Variants in DLG5 observed in about 807,000 individuals in gnomAD.
DLG5 encodes the protein discs large MAGUK scaffold protein 5, also known as disks large homolog 5.
Under a neutral mutation model 189.8 loss-of-function variants are expected in DLG5, and 48 were observed. The observed-to-expected ratio is 0.25, with a 90% CI of 0.20 to 0.32. The LOEUF (loss-of-function observed/expected upper bound fraction) is 0.32, where lower values mean the gene tolerates loss of function less well. Among genes scored for constraint, DLG5 ranks in the 10% least tolerant of loss-of-function variants. The pLI is 1.00. For synonymous variants in DLG5, 1,016 were observed against 1,054.1 expected (o/e 0.96, Z 0.70); for missense variants, 2,160 against 2,544.7 (o/e 0.85, Z 3.25).
chr10:77,893,054 T>C (rs768353969), intron 1 of DLG5, among the ~76,000 whole-genome samples: 1 of 152,238 alleles, frequency 6.6e-6, no homozygotes, highest in Non-Finnish European at 1.5e-5. Context: ...GCCTCTGGCA[T>C]TGGCATTGGC....
At chr10:77,835,497 G>C (rs973182088) in intron 8 of DLG5, among the ~76,000 whole-genome samples, 1 of 152,190 alleles carries the variant, frequency 6.6e-6, no homozygotes, top group Admixed American at 6.5e-5. Context: ...GCGGTCTCAC[G>C]TGGACATAGT....
At chr10:77,819,223 G>T in intron 17 of DLG5, 98 bp downstream of exon 17, 3 of 1,569,956 alleles carry the variant, frequency 1.9e-6, no homozygotes, top group Non-Finnish European at 1.7e-6. Context: ...AGGCAAGGAA[G>T]CTTCTCCACC....
chr10:77,796,120 G>T lies in DLG5; in HGVS notation c.5377C>A (p.Arg1793=). 2.5e-6 allele frequency: 4 copies of T among 1,614,166 alleles called. No homozygotes were observed. The highest frequency in any genetic ancestry group is 1.1e-5 in the South Asian group (1 of 91,078). ...GTCACATCGAAATGGCCGCTTCTCCGCTTATAGTCGACAAACAGGCAATCT... is the reference window on the plus strand; with the variant it reads ...GTCACATCGAAATGGCCGCTTCTCCTCTTATAGTCGACAAACAGGCAATCT... The part of the protein sequence containing the change: ...VKDCLFVDYK[R]RSGHFDVTTV... Residue 1793 remains arginine, a synonymous_variant, in exon 29 of 32, where the codon CGG becomes AGG. Transcript: ENST00000372391. This position sits in a 1 kb window ranked among gnomAD's most constrained non-coding sequence, Gnocchi z 5.2.
In DLG5 at chr10:77,796,585, C is replaced by A; in HGVS notation, c.5174G>T (p.Ser1725Ile). 6.2e-7 allele frequency: 1 copy of A among 1,613,932 alleles called. No homozygotes were observed. The highest frequency in any genetic ancestry group is 8.5e-7 in the Non-Finnish European group (1 of 1,179,956). Reference protein sequence around the residue: ...DSIPLFEDSVSLAYQRVQKVD... With the variant: ...DSIPLFEDSVILAYQRVQKVD... Reference sequence around the variant, plus strand: ...CTTCTGGACCCGCTGATAGGCCAGGCTCACCGAATCTGAGGGAGAGAGAGC... The same window carrying A: ...CTTCTGGACCCGCTGATAGGCCAGGATCACCGAATCTGAGGGAGAGAGAGC... Residue 1725 changes from serine to isoleucine, a missense_variant, in exon 28 of 32, where the codon AGC becomes ATC. By Grantham distance (142) the Ser-to-Ile change is moderately radical (BLOSUM62 -2). This residue lies in a region of DLG5 where 574 missense variants were observed against 644.2 expected (regional missense o/e 0.89). Transcript: ENST00000372391. The surrounding 1 kb of genome is among the most constrained non-coding windows in gnomAD (Gnocchi z 5.2).
At chr10:77,869,287 T>C (rs1366327495) in intron 1 of DLG5, 90 bp from the exon 2 acceptor site, 19 of 1,242,132 alleles carry the variant, frequency 1.5e-5, no homozygotes, top group Non-Finnish European at 2.1e-5. Context: ...TGCCAGGCCA[T>C]GAGAGCTACA....
At chr10:77,936,588 T>G in the DLG5 span, among the ~76,000 whole-genome samples, 1 of 151,860 alleles carries the variant, frequency 6.6e-6, no homozygotes, top group Admixed American at 6.6e-5. Flanking sequence ...TAGAAAGGAC[T>G]AATGAATTAT....
intron 15 of DLG5, 179 bp from the exon 16 acceptor site, chr10:77,820,197 T>C: frequency 1.3e-6 from 1 of 777,968 alleles, no homozygotes; most frequent in South Asian, 1.9e-5. Context: ...AATACAAAAA[T>C]TAGCTGGGCA....
At chr10:77,886,290 G>A (rs1845436201) in intron 1 of DLG5, among the ~76,000 whole-genome samples, 1 of 151,956 alleles carries the variant, frequency 6.6e-6, no homozygotes, top group East Asian at 1.9e-4. Flanking sequence ...TGCCCTCTGA[G>A]CTTCCTGAAC....
At chr10:77,830,660 A>G in intron 10 of DLG5, 81 bp downstream of exon 10, 1 of 1,561,886 alleles carries the variant, frequency 6.4e-7, no homozygotes, top group East Asian at 2.3e-5. Context: ...GAGTGGTGAA[A>G]CTGGGAGATA....
intron 1 of DLG5, among the ~76,000 whole-genome samples, chr10:77,902,657 G>T (rs1007136464): frequency 1.3e-5 from 2 of 151,836 alleles, no homozygotes; most frequent in African/African-American, 4.8e-5. Flanking sequence ...TCAGGAGATC[G>T]AGACCATCCT....
intron 1 of DLG5, among the ~76,000 whole-genome samples, chr10:77,896,079 G>A (rs1337637564): frequency 6.6e-6 from 1 of 151,452 alleles, no homozygotes; most frequent in Admixed American, 6.6e-5. Context: ...AGAATTGCTT[G>A]AACCCAAGAG....
intron 1 of DLG5, among the ~76,000 whole-genome samples, chr10:77,905,119 G>C (rs989403415): frequency 6.9e-6 from 1 of 145,642 alleles, no homozygotes; most frequent in African/African-American, 2.5e-5. Context: ...ACAAGAGCGA[G>C]ACTTCATCTC....
chr10:77,841,542 TAA>T (rs1234265178), intron 7 of DLG5, among the ~76,000 whole-genome samples: 1 of 152,222 alleles, frequency 6.6e-6, no homozygotes, highest in African/African-American at 2.4e-5. Context: ...TCTTGCTTCA[TAA>T]TAAGCAAGTC....
the DLG5 span, among the ~76,000 whole-genome samples, chr10:77,935,167 C>T: frequency 2.6e-5 from 4 of 152,050 alleles, no homozygotes; most frequent in African/African-American, 4.8e-5. Context: ...TAAATGGGTG[C>T]TGTTCTAAGG....
At position 77,829,097 on chromosome 10, in the gene DLG5, C is replaced by T. The variant is rs907080508; in HGVS notation, c.2186-112G>A. 35 of 1,246,416 alleles carry T rather than the reference C, an allele frequency of 2.8e-5. No individual in the cohort carries two copies. The South Asian group carries it at 3.8e-4, about 14-fold the overall frequency. 77.2% of individuals were successfully genotyped at this position (1,246,416 alleles called of 1,614,324 possible). On this transcript the variant is annotated intron_variant, in intron 12 of 31. Coordinates refer to ENST00000372391, the MANE Select transcript of DLG5 (RefSeq NM_004747.4). ...TACAAAAGAGGATGTCAGCAGGCTG[C>T]GCCCTGTCTACGCCTGCACCCTGCC...
At chr10:77,908,799 G>A (rs1389482422) in intron 1 of DLG5, among the ~76,000 whole-genome samples, 1 of 152,010 alleles carries the variant, frequency 6.6e-6, no homozygotes, top group Non-Finnish European at 1.5e-5. Flanking sequence ...GGGGGTGGGG[G>A]GAGAGAAGCC....
intron 26 of DLG5, chr10:77,806,145 A>T (rs921651464): frequency 7.2e-6 from 3 of 416,954 alleles, no homozygotes; most frequent in Non-Finnish European, 1.3e-5. Flanking sequence ...GACAGCCTTC[A>T]ATTGGTGACA....
In DLG5 at chr10:77,805,875, G is replaced by T. The variant is rs1228077441; in HGVS notation, c.4968-14C>A. ...TCTTGGTCCATCCTGTGGCACAGGGGACAATGCTGGGCAGGGCCATCGAGA... is the reference window on the plus strand; with the variant it reads ...TCTTGGTCCATCCTGTGGCACAGGGTACAATGCTGGGCAGGGCCATCGAGA... On this transcript the variant is annotated splice_polypyrimidine_tract_variant and intron_variant, in intron 26 of 31. Transcript: ENST00000372391. 13 of 1,606,650 alleles carry T rather than the reference G, an allele frequency of 8.1e-6. No homozygotes were observed. In the Admixed American group the frequency reaches 2.2e-4, roughly 27 times the overall value.
intron 27 of DLG5, among the ~76,000 whole-genome samples, chr10:77,800,794 G>A (rs980926386): frequency 4.6e-5 from 7 of 152,254 alleles, no homozygotes; most frequent in Admixed American, 3.3e-4. Flanking sequence ...ACACTGAGCA[G>A]TGTTCCATGG....
Sources: gnomAD v4.1 joint callset for allele counts (sites outside exome capture counted in the v4.1 genomes callset) on GRCh38, gnomAD v4.1.1 for gene constraint, gnomAD v4.1.1 regional missense constraint, Gnocchi (gnomAD v3.1) non-coding constraint, MANE v1.5 for transcripts, NCBI Gene and HGNC (gene_info 2026-07-23, HGNC 2026-07-21) for gene names.